PTPRD: variants seen among roughly 807,000 people sequenced by gnomAD.
PTPRD encodes the protein protein tyrosine phosphatase receptor type D.
Under a neutral mutation model 214.5 loss-of-function variants are expected in PTPRD, and 34 were observed. That is an observed-to-expected ratio of 0.16 (90% CI 0.12 to 0.21). PTPRD has a LOEUF of 0.21. Ranked by LOEUF, PTPRD falls within the 10% of genes least tolerant of loss-of-function variation. The pLI is 1.00. For missense variants in PTPRD, 2,545 were observed against 2,398.7 expected (o/e 1.06, Z -1.27); for synonymous variants, 1,128 against 845.7 (o/e 1.33, Z -5.79).
chr9:9,336,111 T>C (rs2044350770), intron 9 of PTPRD, among the ~76,000 whole-genome samples: 1 of 151,914 alleles, frequency 6.6e-6, no homozygotes, highest in Admixed American at 6.6e-5. Context: ...TTATTTTCAT[T>C]ATTACGGAGA....
intron 2 of PTPRD, among the ~76,000 whole-genome samples, chr9:10,439,355 A>G (rs2098743869): frequency 6.6e-6 from 1 of 151,834 alleles, no homozygotes; most frequent in Admixed American, 6.6e-5. Context: ...CCAGCTGTGA[A>G]AAATCAAGCA....
At chr9:10,608,694 T>C (rs908382681) in intron 2 of PTPRD, among the ~76,000 whole-genome samples, 10 of 152,134 alleles carry the variant, frequency 6.6e-5, no homozygotes, top group African/African-American at 2.4e-4. Context: ...ACACTTCCAA[T>C]TGTAGTGATG....
chr9:9,259,283 G>C (rs934930772), intron 9 of PTPRD, among the ~76,000 whole-genome samples: 1 of 151,806 alleles, frequency 6.6e-6, no homozygotes, highest in Non-Finnish European at 1.5e-5. Context: ...GACCCACAGA[G>C]GTAATTCAAT....
intron 8 of PTPRD, among the ~76,000 whole-genome samples, chr9:9,402,842 G>C (rs1178418516): frequency 6.6e-6 from 1 of 151,348 alleles, no homozygotes; most frequent in East Asian, 2.0e-4. Flanking sequence ...AGAATTAATG[G>C]GCAGGCAGAG....
chr9:9,970,861 C>G (rs1296615582), intron 4 of PTPRD, among the ~76,000 whole-genome samples: 1 of 152,106 alleles, frequency 6.6e-6, no homozygotes, highest in Non-Finnish European at 1.5e-5. Flanking sequence ...TGGAACATGG[C>G]GCTAATTTAG....
intron 8 of PTPRD, among the ~76,000 whole-genome samples, chr9:9,569,210 G>A (rs1027172635): frequency 4.6e-5 from 7 of 151,388 alleles, no homozygotes; most frequent in Admixed American, 2.0e-4. Context: ...AGTCATTTGC[G>A]AATGTTATAA....
chr9:10,591,172 T>C (rs2075349740), intron 2 of PTPRD, among the ~76,000 whole-genome samples: 1 of 152,014 alleles, frequency 6.6e-6, no homozygotes, highest in South Asian at 2.1e-4. Flanking sequence ...GACCCAATTC[T>C]ACTGAGGTCA....
At chr9:8,858,666 C>T (rs2098013479) in intron 11 of PTPRD, among the ~76,000 whole-genome samples, 2 of 133,122 alleles carry the variant, frequency 1.5e-5, no homozygotes, top group South Asian at 2.6e-4. Flanking sequence ...AGTGTGGGTG[C>T]GCCCGGACGC....
intron 3 of PTPRD, among the ~76,000 whole-genome samples, chr9:10,197,795 G>T (rs2099403852): frequency 6.6e-6 from 1 of 152,088 alleles, no homozygotes; most frequent in Non-Finnish European, 1.5e-5. Context: ...GGAGGGATGG[G>T]TCTGTAAGGC....
At chr9:9,788,667 G>GA (rs548169629) in intron 5 of PTPRD, among the ~76,000 whole-genome samples, 11 of 151,074 alleles carry the variant, frequency 7.3e-5, no homozygotes, top group African/African-American at 2.4e-4. Flanking sequence ...TGATACAAAA[G>GA]AAAAAAATGT....
chr9:8,885,902 C>T lies in PTPRD; in HGVS notation c.-104+132795G>A, dbSNP rs183983663. Among the ~76,000 whole-genome samples the T allele has an allele frequency of 2.5e-4, 38 of 152,244 alleles. No homozygotes were observed. In the East Asian group the frequency reaches 4.6e-3, roughly 19 times the overall value. ...TTTCTAGAGCCAAATTATTTCCACG[C>T]GCTTAATTGTGTTAAGTTTTTCACT... is the stretch of plus-strand genomic sequence containing the variant. On this transcript the variant is annotated intron_variant, in intron 11 of 45. Transcript: ENST00000381196.
At chr9:9,644,488 T>C (rs981053495) in intron 7 of PTPRD, among the ~76,000 whole-genome samples, 4 of 152,186 alleles carry the variant, frequency 2.6e-5, no homozygotes, top group African/African-American at 7.2e-5. Context: ...AGTTAAAAAA[T>C]GATCCTCTAT....
At chr9:8,322,654 T>C (rs909894167) in intron 44 of PTPRD, among the ~76,000 whole-genome samples, 2 of 152,154 alleles carry the variant, frequency 1.3e-5, no homozygotes, top group Non-Finnish European at 2.9e-5. Flanking sequence ...AAGTGCAAGG[T>C]GAAGCAATAA....
intron 7 of PTPRD, among the ~76,000 whole-genome samples, chr9:9,609,663 A>G (rs1450657238): frequency 6.6e-6 from 1 of 152,138 alleles, no homozygotes; most frequent in African/African-American, 2.4e-5. Flanking sequence ...GGGTTTCCCC[A>G]TGTTGGCCAG....
chr9:8,944,382 C>T (rs1229634742), intron 11 of PTPRD, among the ~76,000 whole-genome samples: 1 of 152,022 alleles, frequency 6.6e-6, no homozygotes, highest in Non-Finnish European at 1.5e-5. Context: ...ATCATATGAT[C>T]CAGCAATTCC....
At chr9:10,446,841 G>C (rs2098803507) in intron 2 of PTPRD, among the ~76,000 whole-genome samples, 1 of 152,104 alleles carries the variant, frequency 6.6e-6, no homozygotes. Flanking sequence ...AATGCAAAAA[G>C]GTTTTCAGAA....
chr9:9,090,127 C>T (rs2099773428), intron 10 of PTPRD, among the ~76,000 whole-genome samples: 1 of 152,124 alleles, frequency 6.6e-6, no homozygotes, highest in African/African-American at 2.4e-5. Flanking sequence ...TTGTTAACTA[C>T]AGTCACCTTA....
intron 3 of PTPRD, among the ~76,000 whole-genome samples, chr9:10,068,028 G>C (rs2097915840): frequency 6.6e-6 from 1 of 151,866 alleles, no homozygotes; most frequent in Non-Finnish European, 1.5e-5. Flanking sequence ...CTATATTTCT[G>C]ATACAATCCT....
At chr9:9,272,216 C>G (rs1943231150) in intron 9 of PTPRD, among the ~76,000 whole-genome samples, 1 of 151,130 alleles carries the variant, frequency 6.6e-6, no homozygotes, top group Admixed American at 6.6e-5. Flanking sequence ...AGAAATTACT[C>G]TGATATGTGG....
Sources: allele counts gnomAD v4.1 joint callset (sites outside exome capture counted in the v4.1 genomes callset), GRCh38; gene constraint gnomAD v4.1.1; transcripts MANE v1.5; gene names NCBI Gene and HGNC (gene_info 2026-07-23, HGNC 2026-07-21).